Variants in GPHN observed in about 807,000 individuals in gnomAD.
GPHN encodes gephyrin.
A neutral mutation model predicts 95.5 loss-of-function variants in GPHN; 17 were observed. The observed-to-expected ratio is 0.18, with a 90% CI of 0.12 to 0.27. GPHN has a LOEUF of 0.27. Ranked by LOEUF, GPHN falls within the 10% of genes least tolerant of loss-of-function variation. The pLI, the probability that GPHN is intolerant of heterozygous loss-of-function variation, is 1.00. For missense variants in GPHN, 660 were observed against 978.1 expected (o/e 0.67, Z 4.34); for synonymous variants, 320 against 322.5 (o/e 0.99, Z 0.08).
At chr14:67,235,932 G>A in the GPHN span, among the ~76,000 whole-genome samples, 2 of 151,854 alleles carry the variant, frequency 1.3e-5, no homozygotes, top group African/African-American at 2.4e-5. Context: ...TTTAGAAAAA[G>A]TTTTATGTGT....
At chr14:67,574,405 TAG>T in the GPHN span, 4 of 1,555,358 alleles carry the variant, frequency 2.6e-6, no homozygotes, top group Non-Finnish European at 3.5e-6. The surrounding 1 kb of genome is among the most constrained non-coding windows in gnomAD (Gnocchi z 4.2). Flanking sequence ...CTGACCAAGG[TAG>T]AGGGTGGGGC....
the GPHN span, among the ~76,000 whole-genome samples, chr14:67,330,149 A>AC: frequency 7.2e-6 from 1 of 139,678 alleles, no homozygotes; most frequent in African/African-American, 2.6e-5. Flanking sequence ...AATAATAATA[A>AC]TAATAATTAT....
the GPHN span, among the ~76,000 whole-genome samples, chr14:67,606,265 G>T: frequency 6.6e-6 from 1 of 152,130 alleles, no homozygotes; most frequent in Non-Finnish European, 1.5e-5. Context: ...TTTTTTCATG[G>T]AGTCACTTCT....
intron 3 of GPHN, among the ~76,000 whole-genome samples, chr14:66,794,182 G>T (rs1173511368): frequency 1.3e-5 from 2 of 152,124 alleles, no homozygotes; most frequent in Admixed American, 1.3e-4. Context: ...GGAGGTGACT[G>T]GATCATGAGG....
chr14:67,423,797 G>C, the GPHN span, among the ~76,000 whole-genome samples: 1 of 152,216 alleles, frequency 6.6e-6, no homozygotes, highest in African/African-American at 2.4e-5. Context: ...ATATCCAGAA[G>C]TGTCCAAGTG....
the GPHN span, chr14:67,722,852 T>C: frequency 6.2e-5 from 48 of 780,324 alleles, no homozygotes; most frequent in African/African-American, 5.8e-4. Flanking sequence ...GAAGGGGGTG[T>C]TGTGGATACC....
chr14:66,601,166 G>A (rs967766895), intron 1 of GPHN, among the ~76,000 whole-genome samples: 6 of 151,988 alleles, frequency 3.9e-5, no homozygotes, highest in African/African-American at 1.2e-4. Context: ...AAGACATGTT[G>A]TTTACCCTTA....
chr14:67,478,899 AT>A, the GPHN span, among the ~76,000 whole-genome samples: 1 of 150,768 alleles, frequency 6.6e-6, no homozygotes. Flanking sequence ...CTTGTTTAAG[AT>A]AGTGGTAAGA....
the GPHN span, among the ~76,000 whole-genome samples, chr14:67,704,132 C>T: frequency 1.3e-5 from 2 of 151,760 alleles, no homozygotes; most frequent in Non-Finnish European, 2.9e-5. Flanking sequence ...AATATATTTC[C>T]CCCTTTTGAG....
intron 5 of GPHN, among the ~76,000 whole-genome samples, chr14:66,883,844 T>C (rs1028740047): frequency 2.6e-5 from 4 of 152,060 alleles, no homozygotes; most frequent in Non-Finnish European, 5.9e-5. Flanking sequence ...CTTGTACTTA[T>C]TTTATACTGT....
intron 13 of GPHN, among the ~76,000 whole-genome samples, chr14:67,101,933 G>A (rs914185163): frequency 6.6e-5 from 10 of 151,534 alleles, no homozygotes; most frequent in South Asian, 2.1e-4. Context: ...GTGCAGTGGC[G>A]CGATCTCGGC....
At chr14:66,894,891 C>T (rs140262571) in intron 5 of GPHN, among the ~76,000 whole-genome samples, 2 of 152,196 alleles carry the variant, frequency 1.3e-5, no homozygotes, top group Non-Finnish European at 2.9e-5. Flanking sequence ...GAAATAGGAA[C>T]ACTTTTACAC....
At chr14:66,656,191 T>A (rs762425839) in intron 1 of GPHN, among the ~76,000 whole-genome samples, 13 of 152,180 alleles carry the variant, frequency 8.5e-5, no homozygotes, top group Non-Finnish European at 1.6e-4. Context: ...TTGTGAGTAT[T>A]TGTTTGGATT....
the GPHN span, chr14:67,392,530 A>G: frequency 8.2e-7 from 1 of 1,215,334 alleles, no homozygotes; most frequent in Non-Finnish European, 1.2e-6. Context: ...CAGGAACCTC[A>G]TTCTGCATCA....
chr14:67,662,477 C>T, the GPHN span: 3 of 1,612,300 alleles, frequency 1.9e-6, no homozygotes, highest in Admixed American at 3.4e-5. Flanking sequence ...TTGTTCTCAC[C>T]GTTTCATTTG....
the GPHN span, chr14:67,645,775 A>G: frequency 6.2e-7 from 1 of 1,613,932 alleles, no homozygotes. Flanking sequence ...AGCCAGTTTC[A>G]TTTCTCCTCA....
At chr14:67,726,986 T>A in the GPHN span, 3 of 1,612,506 alleles carry the variant, frequency 1.9e-6, no homozygotes, top group Non-Finnish European at 2.5e-6. Context: ...CACAGGCCAC[T>A]TCCTCCTCAC....
intron 4 of GPHN, among the ~76,000 whole-genome samples, chr14:66,878,981 G>A (rs2063799134): frequency 6.6e-6 from 1 of 152,082 alleles, no homozygotes; most frequent in Non-Finnish European, 1.5e-5. Flanking sequence ...TTATAGACTA[G>A]ATAAAGAAAA....
chr14:66,725,650 AT>A (rs2071166644), intron 2 of GPHN, among the ~76,000 whole-genome samples: 1 of 152,086 alleles, frequency 6.6e-6, no homozygotes, highest in Non-Finnish European at 1.5e-5. Flanking sequence ...CGCCTGGCTA[AT>A]TTTTGTATTT....
Sources: allele counts gnomAD v4.1 joint callset (sites outside exome capture counted in the v4.1 genomes callset), GRCh38; gene constraint gnomAD v4.1.1; non-coding constraint Gnocchi (gnomAD v3.1); transcripts MANE v1.5; gene names NCBI Gene and HGNC (gene_info 2026-07-23, HGNC 2026-07-21).